The following PALLD variants were observed in gnomAD, a reference collection of about 807,000 sequenced individuals.
PALLD encodes palladin.
Under a neutral mutation model 123.5 loss-of-function variants are expected in PALLD, and 61 were observed. The ratio of observed to expected loss-of-function variants is 0.49; its 90% CI spans 0.40 to 0.61. The LOEUF (loss-of-function observed/expected upper bound fraction) is 0.61, where lower values mean the gene tolerates loss of function less well. Among genes scored for constraint, PALLD ranks in the 20% least tolerant of loss-of-function variants. The pLI is 0.00. For missense variants in PALLD, 1,273 were observed against 1,377.0 expected (o/e 0.92, Z 1.20); for synonymous variants, 465 against 496.4 (o/e 0.94, Z 0.84).
intron 1 of PALLD, among the ~76,000 whole-genome samples, chr4:168,503,908 G>GA (rs370073135): frequency 6.6e-6 from 1 of 152,018 alleles, no homozygotes; most frequent in Non-Finnish European, 1.5e-5. Flanking sequence ...AGCATCATAG[G>GA]AAAAAAATAA....
chr4:168,596,212 C>A (rs1348660631), intron 2 of PALLD, among the ~76,000 whole-genome samples: 1 of 152,002 alleles, frequency 6.6e-6, no homozygotes, highest in Non-Finnish European at 1.5e-5. Context: ...TGCAAGAAGC[C>A]CATGGTCTAA....
chr4:168,503,646 C>CAAAAAAAA (rs35693126), intron 1 of PALLD, among the ~76,000 whole-genome samples: 2 of 111,704 alleles, frequency 1.8e-5, no homozygotes, highest in Non-Finnish European at 3.9e-5. Context: ...GACTCCATCT[C>CAAAAAAAA]AAAAAAAAAA....
intron 2 of PALLD, among the ~76,000 whole-genome samples, chr4:168,570,440 C>T (rs143173536): frequency 2.6e-3 from 391 of 152,224 alleles, no homozygotes; most frequent in Middle Eastern, 0.014. Flanking sequence ...CTTTTAGACA[C>T]GCCTTCAGGA....
chr4:168,757,326 G>C (rs1350937726), intron 10 of PALLD, among the ~76,000 whole-genome samples: 1 of 152,144 alleles, frequency 6.6e-6, no homozygotes, highest in Non-Finnish European at 1.5e-5. Flanking sequence ...AAACATCCTA[G>C]GGTGAGTGCC....
chr4:168,802,504 T>G (rs759769824), intron 10 of PALLD, among the ~76,000 whole-genome samples: 21 of 152,228 alleles, frequency 1.4e-4, no homozygotes, highest in Non-Finnish European at 2.2e-4. Flanking sequence ...TGTTCTCACT[T>G]TCAAGTGGAA....
chr4:168,827,716 A>G (rs1190286749), intron 10 of PALLD, among the ~76,000 whole-genome samples: 1 of 152,240 alleles, frequency 6.6e-6, no homozygotes, highest in Non-Finnish European at 1.5e-5. Flanking sequence ...GTGACTCTAA[A>G]AAATATAGTA....
At chr4:168,827,695 G>A (rs977803792) in intron 10 of PALLD, among the ~76,000 whole-genome samples, 3 of 152,208 alleles carry the variant, frequency 2.0e-5, no homozygotes, top group African/African-American at 4.8e-5. Context: ...AGGCCATTCA[G>A]GCAAGATTCT....
At chr4:168,552,563 C>A (rs1389673675) in intron 2 of PALLD, among the ~76,000 whole-genome samples, 1 of 152,100 alleles carries the variant, frequency 6.6e-6, no homozygotes, top group African/African-American at 2.4e-5. Context: ...AAGCCATAAC[C>A]CCCTATACAG....
intron 2 of PALLD, among the ~76,000 whole-genome samples, chr4:168,650,822 A>G (rs1777965879): frequency 6.6e-6 from 1 of 152,036 alleles, no homozygotes; most frequent in African/African-American, 2.4e-5. Context: ...CTCTTGCCCT[A>G]TGCATATCAT....
At chr4:168,533,518 T>C (rs1271163359) in intron 2 of PALLD, among the ~76,000 whole-genome samples, 1 of 152,182 alleles carries the variant, frequency 6.6e-6, no homozygotes, top group Non-Finnish European at 1.5e-5. Context: ...AATTATGCCA[T>C]TCAGATGAGA....
intron 10 of PALLD, among the ~76,000 whole-genome samples, chr4:168,815,263 TC>T (rs1741742247): frequency 6.6e-6 from 1 of 152,256 alleles, no homozygotes; most frequent in African/African-American, 2.4e-5. Context: ...TGCTTGGTGC[TC>T]CTGTAATAGA....
At chr4:168,860,866 C>A (rs2151027225) in intron 10 of PALLD, among the ~76,000 whole-genome samples, 1 of 152,260 alleles carries the variant, frequency 6.6e-6, no homozygotes, top group African/African-American at 2.4e-5. Flanking sequence ...CTCAACGTGA[C>A]TAAAGAGATC....
At chr4:168,861,052 G>A (rs1749379382) in intron 10 of PALLD, among the ~76,000 whole-genome samples, 1 of 152,150 alleles carries the variant, frequency 6.6e-6, no homozygotes. Context: ...ATGAAGTATG[G>A]CCTAAATAAT....
chr4:168,920,442 A>G (rs1272285431), intron 17 of PALLD, among the ~76,000 whole-genome samples: 2 of 152,220 alleles, frequency 1.3e-5, no homozygotes, highest in African/African-American at 4.8e-5. Flanking sequence ...TAGTTCTTCA[A>G]AAGAACTGTT....
At chr4:168,598,072 C>CT (rs1245920873) in intron 2 of PALLD, among the ~76,000 whole-genome samples, 1 of 152,008 alleles carries the variant, frequency 6.6e-6, no homozygotes, top group Non-Finnish European at 1.5e-5. Context: ...TAAATTACTG[C>CT]TTTTCAGAGT....
chr4:168,841,591 T>C (rs1746042384), intron 10 of PALLD, among the ~76,000 whole-genome samples: 1 of 152,082 alleles, frequency 6.6e-6, no homozygotes, highest in Non-Finnish European at 1.5e-5. Context: ...AGCCACGGAG[T>C]GACAGTCATT....
intron 14 of PALLD, among the ~76,000 whole-genome samples, chr4:168,899,118 T>G (rs2151268637): frequency 6.6e-6 from 1 of 152,316 alleles, no homozygotes; most frequent in Admixed American, 6.5e-5. Context: ...CACCACTGGT[T>G]GTAAAAACTT....
chr4:168,552,361 G>T (rs1241300810), intron 2 of PALLD, among the ~76,000 whole-genome samples: 3 of 152,112 alleles, frequency 2.0e-5, no homozygotes, highest in African/African-American at 7.2e-5. Context: ...TAAATGTGGG[G>T]AAGTATGAAG....
At chr4:168,716,624 C>G (rs1177925754) in intron 10 of PALLD, among the ~76,000 whole-genome samples, 2 of 152,170 alleles carry the variant, frequency 1.3e-5, no homozygotes, top group Non-Finnish European at 2.9e-5. Context: ...AATCCTGTCT[C>G]CAGAGAAAGA....
Sources: gnomAD v4.1 joint callset for allele counts (sites outside exome capture counted in the v4.1 genomes callset) on GRCh38, gnomAD v4.1.1 for gene constraint, MANE v1.5 for transcripts, NCBI Gene and HGNC (gene_info 2026-07-23, HGNC 2026-07-21) for gene names.